WWC1: variants seen among roughly 807,000 people sequenced by gnomAD.
WWC1 encodes protein KIBRA.
In WWC1, 55 loss-of-function variants were observed where a neutral mutation model predicts 138.4. The ratio of observed to expected loss-of-function variants is 0.40; its 90% confidence interval spans 0.32 to 0.50. WWC1 has a LOEUF of 0.50. Among genes scored for constraint, WWC1 ranks in the 20% least tolerant of loss-of-function variants. WWC1 has a pLI of 0.72. For synonymous variants in WWC1, 524 were observed against 564.9 expected, an observed-to-expected ratio of 0.93 and a Z score of 1.03; for missense variants, 1,226 against 1,420.4, an observed-to-expected ratio of 0.86 and a Z score of 2.20.
At chr5:168,360,304 A>G (rs1478041690) in intron 1 of WWC1, among the ~76,000 whole-genome samples, 4 of 152,204 alleles carry the variant, frequency 2.6e-5, no homozygotes. Context: ...GGGTCTATGT[A>G]AGGGACATTG....
intron 1 of WWC1, among the ~76,000 whole-genome samples, chr5:168,341,157 G>A (rs1053302420): frequency 3.3e-5 from 5 of 152,168 alleles, no homozygotes; most frequent in Non-Finnish European, 7.3e-5. Flanking sequence ...GCTGCGTTAA[G>A]GATTACAGTC....
At chr5:168,447,787 C>T (rs1481324992) in intron 17 of WWC1, among the ~76,000 whole-genome samples, 1 of 145,586 alleles carries the variant, frequency 6.9e-6, no homozygotes, top group East Asian at 2.0e-4. Context: ...TTTTCTCTCT[C>T]TTTCTTTCTC....
At chr5:168,446,345 A>G (rs750323315) in intron 17 of WWC1, among the ~76,000 whole-genome samples, 5 of 151,532 alleles carry the variant, frequency 3.3e-5, no homozygotes, top group Admixed American at 6.6e-5. Flanking sequence ...ATGTCTGAAC[A>G]TTGAAAAGGG....
chr5:168,406,669 C>T (rs1779818351), intron 6 of WWC1, among the ~76,000 whole-genome samples: 1 of 152,054 alleles, frequency 6.6e-6, no homozygotes, highest in South Asian at 2.1e-4. Flanking sequence ...CGGCCGGGCG[C>T]GGTGGCTCAC....
intron 3 of WWC1, among the ~76,000 whole-genome samples, chr5:168,391,661 A>T (rs1364659758): frequency 6.7e-6 from 1 of 148,796 alleles, no homozygotes; most frequent in African/African-American, 2.5e-5. Context: ...TCCGTCTCAA[A>T]AAAAAAAAAA....
At chr5:168,375,488 C>G (rs1045650411) in intron 2 of WWC1, among the ~76,000 whole-genome samples, 29 of 152,182 alleles carry the variant, frequency 1.9e-4, no homozygotes, top group African/African-American at 7.0e-4. Flanking sequence ...GGAGCAAAAG[C>G]CTGACTAGAG....
intron 1 of WWC1, among the ~76,000 whole-genome samples, chr5:168,333,178 A>G (rs543248862): frequency 6.6e-6 from 1 of 152,056 alleles, no homozygotes; most frequent in African/African-American, 2.4e-5. Flanking sequence ...GGGACCAAGG[A>G]CTCCATGAAG....
chr5:168,293,617 C>A (rs1025574209), intron 1 of WWC1, among the ~76,000 whole-genome samples: 2 of 152,170 alleles, frequency 1.3e-5, no homozygotes, highest in Non-Finnish European at 2.9e-5. Flanking sequence ...TAGAGAGCAT[C>A]TCTTAGGCAA....
At chr5:168,301,586 C>T (rs555848112) in intron 1 of WWC1, among the ~76,000 whole-genome samples, 2 of 149,336 alleles carry the variant, frequency 1.3e-5, no homozygotes, top group Non-Finnish European at 3.0e-5. Context: ...TGCAGTGAGT[C>T]GAGATTGTGC....
chr5:168,336,716 G>T (rs553232865), intron 1 of WWC1, among the ~76,000 whole-genome samples: 1 of 152,118 alleles, frequency 6.6e-6, no homozygotes, highest in Non-Finnish European at 1.5e-5. Context: ...GACGAAATTC[G>T]TCATTTTACT....
At chr5:168,412,273 A>G in intron 8 of WWC1, 1 of 866,788 alleles carries the variant, frequency 1.2e-6, no homozygotes, top group South Asian at 5.3e-5. Context: ...AGTGTAAAGG[A>G]CAGAGCAGCC....
At chr5:168,406,027 C>T (rs189909816) in intron 5 of WWC1, among the ~76,000 whole-genome samples, 171 bp from the exon 6 acceptor site, 7 of 152,222 alleles carry the variant, frequency 4.6e-5, no homozygotes, top group South Asian at 2.1e-4. Flanking sequence ...ATGCCCAGCC[C>T]GGGACCTTCT....
At chr5:168,462,642 C>T (rs1306323123) in intron 20 of WWC1, among the ~76,000 whole-genome samples, 1 of 152,192 alleles carries the variant, frequency 6.6e-6, no homozygotes, top group Admixed American at 6.5e-5. Flanking sequence ...GGAGCAGGTC[C>T]CCTTCATCAT....
At chr5:168,338,740 A>G (rs1250563507) in intron 1 of WWC1, among the ~76,000 whole-genome samples, 1 of 152,166 alleles carries the variant, frequency 6.6e-6, no homozygotes, top group African/African-American at 2.4e-5. Flanking sequence ...TTTTCCTGCA[A>G]GTTGAACACT....
At chr5:168,329,000 T>A (rs1454931828) in intron 1 of WWC1, among the ~76,000 whole-genome samples, 1 of 152,226 alleles carries the variant, frequency 6.6e-6, no homozygotes, top group Non-Finnish European at 1.5e-5. Flanking sequence ...AAAAGCCTCA[T>A]TGAAAGAATC....
intron 5 of WWC1, among the ~76,000 whole-genome samples, chr5:168,400,718 G>A (rs1034160250): frequency 1.3e-5 from 2 of 152,172 alleles, no homozygotes; most frequent in Admixed American, 1.3e-4. Flanking sequence ...GGAGGCCAAG[G>A]TGAGAGGATT....
chr5:168,302,318 G>A (rs1237635907), intron 1 of WWC1, among the ~76,000 whole-genome samples: 1 of 152,226 alleles, frequency 6.6e-6, no homozygotes, highest in Non-Finnish European at 1.5e-5. Context: ...TTTATGGAGT[G>A]CCTACTGTGC....
intron 1 of WWC1, among the ~76,000 whole-genome samples, chr5:168,335,993 A>G (rs1773422345): frequency 1.3e-5 from 2 of 152,216 alleles, no homozygotes; most frequent in South Asian, 4.1e-4. Context: ...TTCCTCATCT[A>G]TAAAAGCAGG....
intron 1 of WWC1, among the ~76,000 whole-genome samples, chr5:168,354,793 A>C (rs1320176608): frequency 1.3e-5 from 2 of 152,058 alleles, no homozygotes. Flanking sequence ...TGTAGAGAGC[A>C]TTGAGCTTCC....
Sources: allele counts gnomAD v4.1 joint callset (sites outside exome capture counted in the v4.1 genomes callset), GRCh38; gene constraint gnomAD v4.1.1; transcripts MANE v1.5; gene names NCBI Gene and HGNC (gene_info 2026-07-23, HGNC 2026-07-21).